VAV2: variants seen among roughly 807,000 people sequenced by gnomAD.
VAV2 encodes vav guanine nucleotide exchange factor 2.
A neutral mutation model predicts 132.5 loss-of-function variants in VAV2; 67 were observed. That is an observed-to-expected ratio of 0.51 (90% CI 0.42 to 0.62). The LOEUF (loss-of-function observed/expected upper bound fraction) is 0.62, where lower values mean the gene tolerates loss of function less well. Ranked by LOEUF, VAV2 falls within the 20% of genes least tolerant of loss-of-function variation. The probability of loss-of-function intolerance (pLI) is 0.00; values close to 1 mark genes in which losing one functional copy is unlikely to be tolerated. For missense variants in VAV2, 938 were observed against 1,153.6 expected, an observed-to-expected ratio of 0.81 and a Z score of 2.71; for synonymous variants, 492 against 443.5, an observed-to-expected ratio of 1.11 and a Z score of -1.37.
intron 21 of VAV2, among the ~76,000 whole-genome samples, chr9:133,779,561 C>T (rs1473925917): frequency 6.6e-6 from 1 of 152,248 alleles, no homozygotes; most frequent in Non-Finnish European, 1.5e-5. Flanking sequence ...CATTAAGCAA[C>T]CCGCAGCAAG....
chr9:133,780,790 G>C, intron 19 of VAV2, 80 bp from the exon 20 acceptor site: 1 of 1,246,196 alleles, frequency 8.0e-7, no homozygotes, highest in Non-Finnish European at 1.0e-6. Flanking sequence ...ACACCGCCCC[G>C]AGCCTCTGGG....
In VAV2 at chr9:133,824,999, A is replaced by C. The variant is rs1835929132; in HGVS notation, c.449+9273T>G. On this transcript the variant is annotated intron_variant, in intron 4 of 29. Coordinates refer to ENST00000371850, the MANE Select transcript of VAV2 (RefSeq NM_001134398.2). The surrounding 1 kb of genome is among the most constrained non-coding windows in gnomAD (Gnocchi z 5.2). The stretch of plus-strand genomic sequence containing the variant: ...AGTCCCCACAGAGGCCTGGCCTCAC[A>C]GAGTCACACCGAGGAGCAAGAGACC... Among the ~76,000 whole-genome samples the C allele has an allele frequency of 6.6e-6, 1 of 152,220 alleles. No individual in the cohort carries two copies. Among genetic ancestry groups the C allele is most frequent in the South Asian group, 2.1e-4 (1 of 4,824 alleles).
rs1838590903 is a variant in VAV2, at chr9:133,883,715, T to A, written c.322-22283A>T. Among the ~76,000 whole-genome samples, 1 of 152,192 alleles carries A rather than the reference T, an allele frequency of 6.6e-6. No homozygotes were observed. The highest frequency in any genetic ancestry group is 2.4e-5 in the African/African-American group (1 of 41,442). On this transcript the variant is annotated intron_variant, in intron 2 of 29. Transcript: ENST00000371850. This position sits in a 1 kb window ranked among gnomAD's most constrained non-coding sequence, Gnocchi z 4.2. ...CCAGCAGCTTCTTGCATGCTTCCCA[T>A]GACAGGGAGCTCACTACCCAAGGTG...
chr9:133,837,542 CA>C (rs1313031037), intron 3 of VAV2, among the ~76,000 whole-genome samples: 1 of 151,760 alleles, frequency 6.6e-6, no homozygotes, highest in African/African-American at 2.4e-5. Context: ...ACTAAAAATA[CA>C]AAAAAATTAG....
At position 133,883,940 on chromosome 9, in the gene VAV2, C is replaced by T. The variant is rs1188288901; in HGVS notation, c.322-22508G>A. Among the ~76,000 whole-genome samples, 2 of 152,090 alleles carry T rather than the reference C, an allele frequency of 1.3e-5. No individual in the cohort carries two copies. The highest frequency in any genetic ancestry group is 2.9e-5 in the Non-Finnish European group (2 of 68,020). ...CACAAGGTCAGGAGATCAAGACCAT[C>T]TTGATCAATATGGTGAAACCCCGTC... On this transcript the variant is annotated intron_variant, in intron 2 of 29. Coordinates refer to ENST00000371850, the MANE Select transcript of VAV2 (RefSeq NM_001134398.2). This position sits in a 1 kb window ranked among gnomAD's most constrained non-coding sequence, Gnocchi z 4.2.
chr9:133,939,774 A>G (rs918759793), intron 1 of VAV2, among the ~76,000 whole-genome samples: 7 of 152,302 alleles, frequency 4.6e-5, no homozygotes, highest in Admixed American at 1.3e-4. Flanking sequence ...CTTCCTAATC[A>G]CGGGTGACAA....
intron 1 of VAV2, among the ~76,000 whole-genome samples, chr9:133,980,237 G>C (rs1007453107): frequency 6.6e-6 from 1 of 152,200 alleles, no homozygotes; most frequent in Non-Finnish European, 1.5e-5. Context: ...TGGCGCTCCA[G>C]AGGCAAGAGA....
chr9:133,846,586 T>TCCAG (rs1836944735), intron 3 of VAV2, among the ~76,000 whole-genome samples: 1 of 59,886 alleles, frequency 1.7e-5, no homozygotes, highest in Non-Finnish European at 3.1e-5. Flanking sequence ...CCGCTCTCTA[T>TCCAG]CCAGGGCCGC....
At chr9:133,798,442 A>G (rs1337758486) in intron 9 of VAV2, among the ~76,000 whole-genome samples, 3 of 152,100 alleles carry the variant, frequency 2.0e-5, no homozygotes, top group African/African-American at 7.2e-5. Context: ...TCCTGGCCCC[A>G]GCATCGCTCT....
chr9:133,934,633 T>G (rs1840836789), intron 2 of VAV2, among the ~76,000 whole-genome samples: 1 of 152,254 alleles, frequency 6.6e-6, no homozygotes. Context: ...GCCTTTGGTC[T>G]CCAAGACTTG....
chr9:133,900,272 A>T (rs758666654), intron 2 of VAV2, among the ~76,000 whole-genome samples: 10 of 152,110 alleles, frequency 6.6e-5, no homozygotes, highest in Non-Finnish European at 1.3e-4. Flanking sequence ...TCATGAAAAA[A>T]GCCACTCCTG....
chr9:133,775,555 T>C (rs1159802982), intron 24 of VAV2, among the ~76,000 whole-genome samples: 1 of 152,206 alleles, frequency 6.6e-6, no homozygotes, highest in African/African-American at 2.4e-5. Context: ...CCACCTGTAC[T>C]GCAATGAAGC....
At chr9:133,950,871 C>T (rs1392057069) in intron 1 of VAV2, among the ~76,000 whole-genome samples, 1 of 152,118 alleles carries the variant, frequency 6.6e-6, no homozygotes, top group Non-Finnish European at 1.5e-5. Flanking sequence ...TGAGGGCATT[C>T]GCACGCTCTC....
intron 2 of VAV2, among the ~76,000 whole-genome samples, chr9:133,924,453 C>T (rs1424801234): frequency 1.3e-5 from 2 of 152,226 alleles, no homozygotes; most frequent in Admixed American, 6.5e-5. Flanking sequence ...TCCCAAAGTG[C>T]CGGGATTACA....
rs573067833 is a variant in VAV2, at chr9:133,802,368, TC to T, written c.836+3712del. On this transcript the variant is annotated intron_variant, in intron 9 of 29. Transcript: ENST00000371850. This position sits in a 1 kb window ranked among gnomAD's most constrained non-coding sequence, Gnocchi z 5.8. Reference sequence around the variant, plus strand: ...CACACACACACACGACTTCATGCATTCCTGGTCTGGTTGGAGCACCTCCCAG... The same window carrying T: ...CACACACACACACGACTTCATGCATTCTGGTCTGGTTGGAGCACCTCCCAG... 2.2e-3 allele frequency among the ~76,000 whole-genome samples: 300 copies of T among 138,796 alleles called. No individual in the cohort carries two copies. The highest frequency in any genetic ancestry group is 3.8e-3 in the Non-Finnish European group (238 of 62,662). The allele number at this position is 138,796 out of a possible 152,430, so 91.1% of individuals were successfully genotyped here.
chr9:133,787,177 G>T, intron 16 of VAV2, 69 bp downstream of exon 16: 1 of 1,468,130 alleles, frequency 6.8e-7, no homozygotes, highest in South Asian at 1.5e-5. Flanking sequence ...CCCTGGCTCC[G>T]GGCAGAAGTG....
In VAV2 at chr9:133,764,109, T is replaced by C; in HGVS notation, c.2590A>G (p.Ile864Val). The change falls in exon 30 of 30, where the codon ATT becomes GTT. Residue 864 changes from isoleucine to valine, a missense_variant and splice_region_variant. Ile to Val is a conservative substitution (Grantham distance 29). Coordinates refer to ENST00000371850, the MANE Select transcript of VAV2 (RefSeq NM_001134398.2). ...GWWKGETNGR[I>V]GWFPSTYVEE... ...ACGTACGTTGAAGGAAACCAGCCAATCTGAAAAAGATGGTAAGATCGTGTC... is the reference window on the plus strand; with the variant it reads ...ACGTACGTTGAAGGAAACCAGCCAACCTGAAAAAGATGGTAAGATCGTGTC... 1.9e-6 allele frequency: 3 copies of C among 1,612,834 alleles called. No homozygotes were observed. Among genetic ancestry groups the C allele is most frequent in the Non-Finnish European group, 2.5e-6 (3 of 1,179,588 alleles).
chr9:133,855,364 G>A (rs1194731831), intron 3 of VAV2, among the ~76,000 whole-genome samples: 1 of 152,212 alleles, frequency 6.6e-6, no homozygotes, highest in African/African-American at 2.4e-5. Context: ...TAGGTGATTT[G>A]GGAAGGCAAA....
rs1445382933 is a variant in VAV2 at position 133,937,396 on chromosome 9, GTCAATGTGTGTGTGTGAGACTGTATGTC to G, written c.321+1679_321+1706del. Among the ~76,000 whole-genome samples the G allele has an allele frequency of 4.9e-3, 715 of 145,804 alleles. 6 individuals carry two copies. The highest frequency in any genetic ancestry group is 0.012 in the Admixed American group (177 of 14,392). The stretch of plus-strand genomic sequence containing the variant: ...GTGTGGTGTGTCCATGGATGTCTGT[GTCAATGTGTGTGTGTGAGACTGTATGTC>G]TGTGTGTGTGTGTATGTGAGCTGTG... On this transcript the variant is annotated intron_variant, in intron 2 of 29. Coordinates refer to ENST00000371850, the MANE Select transcript of VAV2 (RefSeq NM_001134398.2).
Sources: allele counts gnomAD v4.1 joint callset (sites outside exome capture counted in the v4.1 genomes callset), GRCh38; gene constraint gnomAD v4.1.1; non-coding constraint Gnocchi (gnomAD v3.1); transcripts MANE v1.5; gene names NCBI Gene and HGNC (gene_info 2026-07-23, HGNC 2026-07-21).